GRM7: variants seen among roughly 807,000 people sequenced by gnomAD.
GRM7 encodes glutamate metabotropic receptor 7, also known as metabotropic glutamate receptor 7.
In GRM7, 35 loss-of-function variants were observed where a neutral mutation model predicts 84.5. The observed-to-expected ratio is 0.41, with a 90% CI of 0.32 to 0.55. The LOEUF is 0.55. GRM7 is among the 20% of genes least tolerant of loss of function. The pLI is 0.19. For synonymous variants in GRM7, 487 were observed against 455.1 expected (o/e 1.07, Z -0.89); for missense variants, 1,003 against 1,194.6 (o/e 0.84, Z 2.36).
chr3:7,268,251 C>T (rs183360203), intron 2 of GRM7, among the ~76,000 whole-genome samples: 3 of 151,758 alleles, frequency 2.0e-5, no homozygotes, highest in African/African-American at 4.8e-5. Flanking sequence ...CCTGTAATCC[C>T]AGCACTTCGG....
chr3:7,207,262 C>T (rs539291938), intron 2 of GRM7, among the ~76,000 whole-genome samples: 32 of 152,246 alleles, frequency 2.1e-4, no homozygotes, highest in African/African-American at 7.7e-4. Flanking sequence ...TGGAAATATA[C>T]TCGTGCCTGC....
At chr3:7,013,683 C>G (rs1418666008) in intron 1 of GRM7, among the ~76,000 whole-genome samples, 1 of 152,118 alleles carries the variant, frequency 6.6e-6, no homozygotes, top group Non-Finnish European at 1.5e-5. Context: ...CCCAGCAACT[C>G]AGGAGGCTGA....
intron 1 of GRM7, among the ~76,000 whole-genome samples, chr3:7,049,566 G>T (rs1029292193): frequency 1.3e-5 from 2 of 151,820 alleles, no homozygotes; most frequent in African/African-American, 4.8e-5. Flanking sequence ...CATATCACAT[G>T]CAGTATATAT....
intron 8 of GRM7, among the ~76,000 whole-genome samples, chr3:7,655,647 G>A (rs1360462578): frequency 1.3e-5 from 2 of 152,164 alleles, no homozygotes; most frequent in African/African-American, 2.4e-5. Flanking sequence ...ATCTGAGGGT[G>A]AGGCATCTAT....
intron 7 of GRM7, among the ~76,000 whole-genome samples, chr3:7,550,363 T>C (rs1004034329): frequency 1.4e-5 from 2 of 141,092 alleles, no homozygotes; most frequent in African/African-American, 5.2e-5. Flanking sequence ...CCTCCCTCCT[T>C]CCTTCCTTTC....
chr3:7,067,241 G>A (rs1194983720), intron 1 of GRM7, among the ~76,000 whole-genome samples: 2 of 151,912 alleles, frequency 1.3e-5, no homozygotes, highest in African/African-American at 4.8e-5. Flanking sequence ...GTCACTGTTT[G>A]CTGATGATAT....
chr3:7,231,306 A>G (rs1339013558), intron 2 of GRM7, among the ~76,000 whole-genome samples: 1 of 152,232 alleles, frequency 6.6e-6, no homozygotes, highest in East Asian at 1.9e-4. Flanking sequence ...TCAGTACCCA[A>G]TCAAAAAGTG....
chr3:7,624,629 ACT>A (rs1361820297), intron 8 of GRM7, among the ~76,000 whole-genome samples: 17 of 152,248 alleles, frequency 1.1e-4, no homozygotes, highest in South Asian at 8.3e-4. Flanking sequence ...TTCTGTCATA[ACT>A]CTGATAAAAT....
At chr3:7,245,274 A>G (rs1309744733) in intron 2 of GRM7, among the ~76,000 whole-genome samples, 1 of 152,068 alleles carries the variant, frequency 6.6e-6, no homozygotes, top group African/African-American at 2.4e-5. Context: ...TTAAAATGAC[A>G]GAAAACAAGA....
rs189471590 is a variant in GRM7, at chr3:7,309,298, A to G, written c.1033+2646A>G. 4.8e-3 allele frequency among the ~76,000 whole-genome samples: 726 copies of G among 151,928 alleles called. 6 individuals carry two copies. The highest frequency in any genetic ancestry group is 0.017 in the African/African-American group (700 of 41,214). ...TATGCCAAAGCTTCTGAACAAAACT[A>G]TGAAATAATCTAAGATAAAACTATA... On this transcript the variant is annotated intron_variant, in intron 4 of 9. Transcript: ENST00000357716.
intron 2 of GRM7, among the ~76,000 whole-genome samples, chr3:7,175,953 A>T (rs1695131499): frequency 6.6e-6 from 1 of 152,162 alleles, no homozygotes; most frequent in Non-Finnish European, 1.5e-5. Context: ...ATTAATCTTT[A>T]TCTATCTGTG....
At chr3:7,472,546 A>G (rs1207416652) in intron 7 of GRM7, among the ~76,000 whole-genome samples, 1 of 152,222 alleles carries the variant, frequency 6.6e-6, no homozygotes, top group East Asian at 1.9e-4. Flanking sequence ...CTAACATCAT[A>G]GGAGAGTTAG....
At chr3:7,590,663 A>G (rs1695735496) in intron 8 of GRM7, among the ~76,000 whole-genome samples, 1 of 152,018 alleles carries the variant, frequency 6.6e-6, no homozygotes, top group Admixed American at 6.6e-5. Context: ...CCTTCCCAGG[A>G]CCTTTGTTCA....
At chr3:7,062,884 G>A (rs1376313378) in intron 1 of GRM7, among the ~76,000 whole-genome samples, 1 of 151,718 alleles carries the variant, frequency 6.6e-6, no homozygotes, top group Non-Finnish European at 1.5e-5. Context: ...TGTCAGAGGA[G>A]TAGCTTATCC....
chr3:7,638,403 C>A (rs1375229306), intron 8 of GRM7, among the ~76,000 whole-genome samples: 1 of 152,100 alleles, frequency 6.6e-6, no homozygotes, highest in Non-Finnish European at 1.5e-5. Context: ...CATCAGTATC[C>A]CCTTTTATGA....
chr3:7,232,998 T>C (rs1020012374), intron 2 of GRM7, among the ~76,000 whole-genome samples: 3 of 152,178 alleles, frequency 2.0e-5, no homozygotes, highest in African/African-American at 7.2e-5. Flanking sequence ...ACACAGACTT[T>C]TTAATATTTG....
intron 1 of GRM7, among the ~76,000 whole-genome samples, chr3:7,010,975 T>C (rs913376682): frequency 9.2e-5 from 14 of 152,282 alleles, no homozygotes; most frequent in Non-Finnish European, 2.1e-4. Context: ...TCAAAGTGCA[T>C]GAGTTGAGAA....
chr3:7,125,647 C>T (rs998892772), intron 1 of GRM7, among the ~76,000 whole-genome samples: 2 of 152,136 alleles, frequency 1.3e-5, no homozygotes, highest in African/African-American at 4.8e-5. Flanking sequence ...TCTCTGGGTA[C>T]CCTGTTGGGC....
chr3:7,259,953 G>GTTTGTTTTTT (rs1553638864), intron 2 of GRM7, among the ~76,000 whole-genome samples: 1 of 89,668 alleles, frequency 1.1e-5, no homozygotes, highest in Non-Finnish European at 1.9e-5. Context: ...ACCAGCATCT[G>GTTTGTTTTTT]TTTTTTTTTT....
Sources: allele counts gnomAD v4.1 joint callset (sites outside exome capture counted in the v4.1 genomes callset), GRCh38; gene constraint gnomAD v4.1.1; transcripts MANE v1.5; gene names NCBI Gene and HGNC (gene_info 2026-07-23, HGNC 2026-07-21).